The following BDP1 variants were observed in gnomAD, a reference collection of about 807,000 sequenced individuals.
BDP1 encodes the protein transcription factor TFIIIB component B'' homolog.
BDP1 carries 169 observed loss-of-function variants against 266.6 expected under a neutral mutation model. That is an observed-to-expected ratio of 0.63 (90% CI 0.56 to 0.72). The LOEUF is 0.72. Among genes scored for constraint, BDP1 ranks in the 30% least tolerant of loss-of-function variants. The pLI is 0.00. For missense variants in BDP1, 3,015 were observed against 3,053.8 expected, an observed-to-expected ratio of 0.99 and a Z score of 0.30; for synonymous variants, 1,090 against 1,022.4, an observed-to-expected ratio of 1.07 and a Z score of -1.26.
chr5:71,463,683 C>G (rs546133141), intron 3 of BDP1, among the ~76,000 whole-genome samples: 2 of 151,758 alleles, frequency 1.3e-5, no homozygotes, highest in South Asian at 4.2e-4. Context: ...CAAAAATTAG[C>G]CTGGTGTGGT....
chr5:71,512,155 T>A, intron 17 of BDP1, 86 bp from the exon 18 acceptor site: 1 of 634,192 alleles, frequency 1.6e-6, no homozygotes, highest in Non-Finnish European at 2.4e-6. Context: ...GGAAAGTGTT[T>A]AGAATTTAGT....
chr5:71,497,720 T>A (rs973702854), intron 13 of BDP1, among the ~76,000 whole-genome samples: 2 of 152,188 alleles, frequency 1.3e-5, no homozygotes, highest in Admixed American at 6.5e-5. Context: ...TATTAAATTC[T>A]GCCCACAACA....
intron 7 of BDP1, among the ~76,000 whole-genome samples, chr5:71,481,482 G>T (rs982646037): frequency 2.0e-5 from 3 of 151,150 alleles, no homozygotes; most frequent in Non-Finnish European, 2.9e-5. Context: ...GCTTGAGCCT[G>T]GGAGATCAAG....
At chr5:71,574,319 G>T in the BDP1 span, among the ~76,000 whole-genome samples, 2 of 152,156 alleles carry the variant, frequency 1.3e-5, no homozygotes, top group Non-Finnish European at 1.5e-5. Flanking sequence ...AAATCACTGG[G>T]CTAATCAGTG....
At chr5:71,527,449 C>A (rs1314280104) in intron 25 of BDP1, among the ~76,000 whole-genome samples, 1 of 152,184 alleles carries the variant, frequency 6.6e-6, no homozygotes, top group Non-Finnish European at 1.5e-5. Context: ...ACCCCCTAAC[C>A]TTTTGGCAAC....
At chr5:71,523,059 G>T in intron 24 of BDP1, 110 bp downstream of exon 24, 2 of 734,970 alleles carry the variant, frequency 2.7e-6, no homozygotes, top group South Asian at 2.3e-5. Flanking sequence ...CATTAGACAT[G>T]GGTAGAAACT....
intron 32 of BDP1, among the ~76,000 whole-genome samples, chr5:71,546,172 C>T (rs559471975): frequency 6.6e-6 from 1 of 152,228 alleles, no homozygotes; most frequent in South Asian, 2.1e-4. Flanking sequence ...CCCACCCTGA[C>T]TTTTTAATTT....
rs181743763 is a variant in BDP1 at position 71,551,587 on chromosome 5, G to A, written c.6996-1529G>A. 2.9e-3 allele frequency among the ~76,000 whole-genome samples: 445 copies of A among 152,196 alleles called. 3 individuals carry two copies. Among genetic ancestry groups the A allele is most frequent in the African/African-American group, 0.01 (418 of 41,510 alleles). On this transcript the variant is annotated intron_variant, in intron 34 of 38. Coordinates refer to ENST00000358731, the MANE Select transcript of BDP1 (RefSeq NM_018429.3). ...TTCCCCCTTTCTATTCCACAAAACC[G>A]CCACGTCATCATGGCCCATTCTCAA...
At chr5:71,518,835 CTTTTTT>C (rs35834219) in intron 22 of BDP1, among the ~76,000 whole-genome samples, 6 of 128,642 alleles carry the variant, frequency 4.7e-5, no homozygotes, top group African/African-American at 1.7e-4. Context: ...GTATGGATTA[CTTTTTT>C]TTTTTTTTTT....
the BDP1 span, among the ~76,000 whole-genome samples, chr5:71,574,547 C>A: frequency 6.6e-6 from 1 of 152,308 alleles, no homozygotes; most frequent in South Asian, 2.1e-4. Flanking sequence ...TTGGGGGAGA[C>A]AAACCCATCA....
intron 33 of BDP1, 101 bp downstream of exon 33, chr5:71,548,846 A>G: frequency 3.6e-6 from 3 of 842,742 alleles, no homozygotes; most frequent in South Asian, 1.7e-5. Context: ...ATTTTAGTCT[A>G]TGCTGGCCTT....
chr5:71,525,063 T>C lies in BDP1; in HGVS notation c.5772+740T>C, dbSNP rs570141878. Among the ~76,000 whole-genome samples the C allele has an allele frequency of 2.5e-4, 38 of 152,298 alleles. 1 individual carries two copies. The South Asian group carries it at 7.5e-3, about 30-fold the overall frequency. On this transcript the variant is annotated intron_variant, in intron 25 of 38. Transcript: ENST00000358731. ...CTACACAGACACGGCAACCATCCGA[T>C]TTCTCAATCTTTTCCCCACTGTTCC...
chr5:71,466,764 A>G (rs1356213651), intron 5 of BDP1, among the ~76,000 whole-genome samples: 1 of 152,148 alleles, frequency 6.6e-6, no homozygotes, highest in African/African-American at 2.4e-5. Context: ...TTTTTAAAAG[A>G]TGATAAATTA....
chr5:71,577,935 A>G, the BDP1 span, among the ~76,000 whole-genome samples: 1 of 152,166 alleles, frequency 6.6e-6, no homozygotes, highest in African/African-American at 2.4e-5. Flanking sequence ...GGGAGCCAAA[A>G]AGGCCAAAGG....
intron 8 of BDP1, among the ~76,000 whole-genome samples, chr5:71,485,671 T>G (rs1763222740): frequency 6.6e-6 from 1 of 152,210 alleles, no homozygotes; most frequent in South Asian, 2.1e-4. Flanking sequence ...CTGGATTCAT[T>G]CCTGGAGTGT....
intron 12 of BDP1, among the ~76,000 whole-genome samples, chr5:71,496,771 C>T (rs947778694): frequency 9.2e-5 from 14 of 152,106 alleles, no homozygotes; most frequent in African/African-American, 1.4e-4. Context: ...TTAGTAGAAA[C>T]GGGGTTTCAC....
chr5:71,533,723 C>T (rs147328546), intron 26 of BDP1, among the ~76,000 whole-genome samples: 54 of 152,102 alleles, frequency 3.6e-4, no homozygotes, highest in South Asian at 1.7e-3. Context: ...CTCAGCCTTC[C>T]AAAGTGTTGG....
chr5:71,485,238 C>T (rs954527060), intron 8 of BDP1, among the ~76,000 whole-genome samples: 21 of 152,028 alleles, frequency 1.4e-4, no homozygotes, highest in African/African-American at 4.6e-4. Flanking sequence ...TCTTTTCAGC[C>T]GAAGAATTCG....
At chr5:71,552,977 T>A in intron 34 of BDP1, 139 bp from the exon 35 acceptor site, 1 of 706,686 alleles carries the variant, frequency 1.4e-6, no homozygotes, top group Non-Finnish European at 2.3e-6. Context: ...GTTTGGAGTT[T>A]TTTGGTTTTA....
Sources: gnomAD v4.1 joint callset for allele counts (sites outside exome capture counted in the v4.1 genomes callset) on GRCh38, gnomAD v4.1.1 for gene constraint, MANE v1.5 for transcripts, NCBI Gene and HGNC (gene_info 2026-07-23, HGNC 2026-07-21) for gene names.